Variants in FAM227A observed in about 807,000 individuals in gnomAD.
FAM227A encodes the protein protein FAM227A.
In FAM227A, 80 loss-of-function variants were observed where a neutral mutation model predicts 74.7. That is an observed-to-expected ratio of 1.07 (90% confidence interval 0.89 to 1.29). FAM227A has a LOEUF of 1.29. Ranked by LOEUF, FAM227A falls within the 50% of genes most tolerant of loss-of-function variation. The pLI, the probability that FAM227A is intolerant of heterozygous loss-of-function variation, is 0.00. For missense variants in FAM227A, 654 were observed against 683.4 expected (o/e 0.96, Z 0.48); for synonymous variants, 237 against 241.8 (o/e 0.98, Z 0.19).
At chr22:38,651,593 C>T (rs2145749670) in intron 1 of FAM227A, among the ~76,000 whole-genome samples, 1 of 152,124 alleles carries the variant, frequency 6.6e-6, no homozygotes, top group South Asian at 2.1e-4. Context: ...AACTCCTGAC[C>T]TCAGGTGATC....
intron 10 of FAM227A, 77 bp from the exon 11 acceptor site, chr22:38,620,368 GCCT>G (rs1455327476): frequency 1.7e-6 from 2 of 1,184,754 alleles, no homozygotes; most frequent in African/African-American, 3.0e-5. Flanking sequence ...GCTTGAGACA[GCCT>G]CCTTTCTGGA....
chr22:38,634,664 T>C (rs1186475903), intron 6 of FAM227A, among the ~76,000 whole-genome samples: 1 of 152,204 alleles, frequency 6.6e-6, no homozygotes, highest in South Asian at 2.1e-4. Context: ...AGCATCTTTG[T>C]ACACTGTCCT....
At position 38,607,329 on chromosome 22, in the gene FAM227A, G is replaced by A. The variant is rs944859444; in HGVS notation, c.1126+60C>T. ...TGTTCATACGAACCCAAGAAACCAGGGTTTTGGAGACAATAACTAAGCCAA... is the reference window on the plus strand; with the variant it reads ...TGTTCATACGAACCCAAGAAACCAGAGTTTTGGAGACAATAACTAAGCCAA... On this transcript the variant is annotated intron_variant, in intron 12 of 16. Transcript: ENST00000535113. 2.1e-5 allele frequency: 27 copies of A among 1,295,614 alleles called. No homozygotes were observed. In the Admixed American group the frequency reaches 5.8e-4, roughly 28 times the overall value. 80.3% of individuals were successfully genotyped at this position (1,295,614 alleles called of 1,614,324 possible).
intron 12 of FAM227A, 65 bp from the exon 13 acceptor site, chr22:38,605,413 C>T: frequency 1.1e-6 from 1 of 911,688 alleles, no homozygotes; most frequent in Admixed American, 2.1e-5. Flanking sequence ...CCTCAGCCTC[C>T]TGAGTAGCTG....
intron 5 of FAM227A, among the ~76,000 whole-genome samples, chr22:38,636,841 G>A (rs1012956723): frequency 1.4e-5 from 2 of 145,876 alleles, no homozygotes; most frequent in African/African-American, 2.5e-5. Context: ...GTATGATCTC[G>A]ACTCACTGCA....
At chr22:38,627,355 A>C (rs2145594065) in intron 8 of FAM227A, among the ~76,000 whole-genome samples, 1 of 151,916 alleles carries the variant, frequency 6.6e-6, no homozygotes, top group African/African-American at 2.4e-5. Context: ...ATCACTTGAA[A>C]TCAGGAGTTT....
chr22:38,650,032 G>A lies in FAM227A; in HGVS notation c.137C>T (p.Pro46Leu). ...KTVRKELENN[P>L]PSCLIGSMHQ... ...TGACATCACCAGAAGGATACAGGGT[G>A]GATTGTTCTCTAACTCCTTCCTCAC... Residue 46 changes from proline (P) to leucine (L), a missense_variant, in exon 2 of 17, where the codon CCA becomes CTA. Coordinates refer to ENST00000535113, the MANE Select transcript of FAM227A (RefSeq NM_001013647.2). 1 of 1,552,218 alleles carries A rather than the reference G, an allele frequency of 6.4e-7. No individual in the cohort carries two copies. Among genetic ancestry groups the A allele is most frequent in the Non-Finnish European group, 8.7e-7 (1 of 1,147,114 alleles).
chr22:38,619,921 A>G (rs939476613), intron 11 of FAM227A, among the ~76,000 whole-genome samples: 1 of 152,152 alleles, frequency 6.6e-6, no homozygotes, highest in African/African-American at 2.4e-5. Context: ...GTGGAGAAAA[A>G]AAAATAAGTA....
At chr22:38,596,213 C>T (rs181629121) in intron 15 of FAM227A, among the ~76,000 whole-genome samples, 125 of 152,042 alleles carry the variant, frequency 8.2e-4, no homozygotes, top group African/African-American at 2.9e-3. Flanking sequence ...CCCAGCTACT[C>T]GGGAGGCTGA....
rs2090801753 is a variant in FAM227A, at chr22:38,586,129, G to A, written c.1709C>T (p.Pro570Leu). ...VEHFFPLTSK[P>L] ...GGTTCTAGGTTGTGGAGCTCCTCAG[G>A]GCTTGGAAGTGAGTGGAAAGAAATG... Residue 570 changes from proline (P) to leucine (L), a missense_variant, in exon 17 of 17, where the codon CCC becomes CTC. Pro to Leu is a moderately conservative substitution (Grantham distance 98). Transcript: ENST00000535113. The A allele has an allele frequency of 6.4e-7, 1 of 1,551,774 alleles. No homozygotes were observed. Among genetic ancestry groups the A allele is most frequent in the Non-Finnish European group, 8.7e-7 (1 of 1,147,046 alleles).
At chr22:38,610,800 G>A (rs971731859) in intron 11 of FAM227A, among the ~76,000 whole-genome samples, 2 of 152,144 alleles carry the variant, frequency 1.3e-5, no homozygotes, top group East Asian at 1.9e-4. Flanking sequence ...GGTGGCTCAC[G>A]CCTGCAATCC....
intron 16 of FAM227A, among the ~76,000 whole-genome samples, chr22:38,586,733 A>T (rs753337741): frequency 4.6e-5 from 7 of 151,934 alleles, no homozygotes; most frequent in Non-Finnish European, 7.4e-5. Context: ...CAGTGGCGCG[A>T]TCTCAGCTCA....
rs1337816183 is a variant in FAM227A, at chr22:38,638,089, C to A, written c.372+657G>T. On this transcript the variant is annotated intron_variant, in intron 5 of 16. Transcript: ENST00000535113. The stretch of plus-strand genomic sequence containing the variant: ...CTAAGACAGGAGAATCACTTGAACC[C>A]TGGGGGCGGAGGTTGCAGTAAGCTG... Among the ~76,000 whole-genome samples, 4 of 152,306 alleles carry A rather than the reference C, an allele frequency of 2.6e-5. No individual in the cohort carries two copies. In the East Asian group the frequency reaches 7.7e-4, roughly 29 times the overall value.
intron 9 of FAM227A, 79 bp from the exon 10 acceptor site, chr22:38,623,358 G>A (rs767937967): frequency 2.3e-5 from 21 of 929,780 alleles, no homozygotes; most frequent in Non-Finnish European, 3.5e-5. Flanking sequence ...GAGAAGCCAA[G>A]GTGGGAGGAT....
At chr22:38,646,088 ATTTC>A (rs1199657503) in intron 2 of FAM227A, among the ~76,000 whole-genome samples, 4 of 151,300 alleles carry the variant, frequency 2.6e-5, no homozygotes, top group African/African-American at 9.7e-5. Flanking sequence ...CCTAGCCCAT[ATTTC>A]TTTATCTTGT....
intron 11 of FAM227A, among the ~76,000 whole-genome samples, chr22:38,611,097 G>T (rs1326631985): frequency 2.6e-5 from 4 of 152,118 alleles, no homozygotes; most frequent in African/African-American, 9.7e-5. Flanking sequence ...TCCATTCCCC[G>T]ATGTTGTGAC....
At position 38,597,471 on chromosome 22, in the gene FAM227A, A is replaced by G. The variant is rs117693861; in HGVS notation, c.1380-115T>C. On this transcript the variant is annotated intron_variant, in intron 14 of 16. Coordinates refer to ENST00000535113, the MANE Select transcript of FAM227A (RefSeq NM_001013647.2). The stretch of plus-strand genomic sequence containing the variant: ...GGGCATGGAGGACAGAACAGGGAAA[A>G]TGCCCTGCGTTTCTGGATAAGATAC... 1,941 of 1,000,570 alleles carry G rather than the reference A, an allele frequency of 1.9e-3. 34 individuals are homozygous for G. In the East Asian group the frequency reaches 0.035, roughly 18 times the overall value. 62.0% of individuals were successfully genotyped at this position (1,000,570 alleles called of 1,614,324 possible). A position where few individuals can be genotyped will look rare whatever the true frequency, so the allele number is the denominator to read the frequency against.
rs1048594871 is a variant in FAM227A, at chr22:38,581,547, C to A, written c.*4578G>T. The A allele has an allele frequency of 5.3e-5, 8 of 152,260 alleles. No individual in the cohort carries two copies. Among genetic ancestry groups the A allele is most frequent in the African/African-American group, 1.9e-4 (8 of 41,428 alleles). The allele number at this position is 152,260 out of a possible 1,614,324, so 9.4% of individuals were successfully genotyped here. A position where few individuals can be genotyped will look rare whatever the true frequency, so the allele number is the denominator to read the frequency against. On this transcript the variant is annotated 3_prime_UTR_variant, in exon 17 of 17. Coordinates refer to ENST00000535113, the MANE Select transcript of FAM227A (RefSeq NM_001013647.2). ...CTCCGCTTCCTGGGTTCAAGCAATT[C>A]TCCTGCCTCAGCCTTGCGAGTACCC...
At chr22:38,616,926 C>T (rs937470322) in intron 11 of FAM227A, among the ~76,000 whole-genome samples, 4 of 150,462 alleles carry the variant, frequency 2.7e-5, no homozygotes, top group African/African-American at 9.8e-5. Context: ...TGGCAGATGG[C>T]GAGGGTGCAG....
Sources: gnomAD v4.1 joint callset for allele counts (sites outside exome capture counted in the v4.1 genomes callset) on GRCh38, gnomAD v4.1.1 for gene constraint, MANE v1.5 for transcripts, NCBI Gene and HGNC (gene_info 2026-07-23, HGNC 2026-07-21) for gene names.